Variants in CYYR1 observed in about 807,000 individuals in gnomAD.
CYYR1 encodes the protein cysteine and tyrosine-rich protein 1.
A neutral mutation model predicts 15.2 loss-of-function variants in CYYR1; 14 were observed. That is an observed-to-expected ratio of 0.92 (90% CI 0.61 to 1.44). CYYR1 has a LOEUF of 1.44. CYYR1 is among the 40% of genes most tolerant of loss of function. CYYR1 has a pLI of 0.00. For synonymous variants in CYYR1, 80 were observed against 77.4 expected, an observed-to-expected ratio of 1.03 and a Z score of -0.18; for missense variants, 228 against 209.5, an observed-to-expected ratio of 1.09 and a Z score of -0.54.
At chr21:26,533,376 G>C (rs989240813) in intron 2 of CYYR1, among the ~76,000 whole-genome samples, 1 of 151,880 alleles carries the variant, frequency 6.6e-6, no homozygotes, top group South Asian at 2.1e-4. Context: ...GACTTAATAC[G>C]GTCTAAGTCT....
chr21:26,553,924 TC>T (rs1366832077), intron 2 of CYYR1, among the ~76,000 whole-genome samples: 1 of 152,200 alleles, frequency 6.6e-6, no homozygotes, highest in African/African-American at 2.4e-5. Context: ...CAGCTGATCC[TC>T]ACTATGATCA....
intron 2 of CYYR1, among the ~76,000 whole-genome samples, chr21:26,554,739 C>A (rs186457970): frequency 6.6e-6 from 1 of 152,160 alleles, no homozygotes; most frequent in Non-Finnish European, 1.5e-5. Context: ...TCATTTTTCT[C>A]CCCATCATGT....
chr21:26,569,546 A>G (rs1980875532), intron 1 of CYYR1, among the ~76,000 whole-genome samples: 2 of 152,212 alleles, frequency 1.3e-5, no homozygotes, highest in African/African-American at 4.8e-5. Flanking sequence ...ATCACAAAAT[A>G]TACCCAGGTA....
chr21:26,567,096 A>G (rs1435821392), intron 1 of CYYR1, among the ~76,000 whole-genome samples: 1 of 152,114 alleles, frequency 6.6e-6, no homozygotes. Flanking sequence ...AGTGGCATAT[A>G]TAATACCAAA....
At chr21:26,531,995 T>A (rs2065936634) in intron 2 of CYYR1, among the ~76,000 whole-genome samples, 3 of 152,054 alleles carry the variant, frequency 2.0e-5, no homozygotes, top group Non-Finnish European at 4.4e-5. Flanking sequence ...TGCAACTAAG[T>A]TCAGTGATGA....
At chr21:26,481,868 A>C (rs2065186026) in intron 2 of CYYR1, among the ~76,000 whole-genome samples, 2 of 152,058 alleles carry the variant, frequency 1.3e-5, no homozygotes, top group Admixed American at 1.3e-4. Context: ...GGATACTACC[A>C]GTAATAACAG....
At chr21:26,489,846 C>T (rs1471256181) in intron 2 of CYYR1, among the ~76,000 whole-genome samples, 1 of 152,114 alleles carries the variant, frequency 6.6e-6, no homozygotes, top group African/African-American at 2.4e-5. Flanking sequence ...CCAGTAACAA[C>T]ATGGAGATGC....
intron 2 of CYYR1, among the ~76,000 whole-genome samples, chr21:26,533,602 A>T (rs2123615655): frequency 6.6e-6 from 1 of 152,274 alleles, no homozygotes; most frequent in East Asian, 1.9e-4. Context: ...CCAGTCCACG[A>T]ATTCAAATGC....
chr21:26,535,194 G>A (rs1014282329), intron 2 of CYYR1, among the ~76,000 whole-genome samples: 4 of 152,114 alleles, frequency 2.6e-5, no homozygotes, highest in Non-Finnish European at 5.9e-5. Flanking sequence ...TATCCCAAAC[G>A]TCAGCATCAT....
At chr21:26,486,212 TG>T (rs990435176) in intron 2 of CYYR1, among the ~76,000 whole-genome samples, 4 of 152,126 alleles carry the variant, frequency 2.6e-5, no homozygotes, top group African/African-American at 9.6e-5. Flanking sequence ...TTTACTGGTC[TG>T]TAGCACATCT....
chr21:26,552,694 C>T (rs1224437787), intron 2 of CYYR1, among the ~76,000 whole-genome samples: 3 of 152,036 alleles, frequency 2.0e-5, no homozygotes, highest in Admixed American at 1.3e-4. Flanking sequence ...AGGATATATA[C>T]TTAACTCTTC....
At chr21:26,530,456 T>C (rs1163784091) in intron 2 of CYYR1, among the ~76,000 whole-genome samples, 1 of 152,178 alleles carries the variant, frequency 6.6e-6, no homozygotes, top group South Asian at 2.1e-4. Flanking sequence ...CATTTTATAA[T>C]ATTAATTTTA....
At chr21:26,511,810 T>C (rs1355904899) in intron 2 of CYYR1, among the ~76,000 whole-genome samples, 2 of 152,206 alleles carry the variant, frequency 1.3e-5, no homozygotes, top group East Asian at 3.9e-4. Context: ...AAGACACTTC[T>C]GCCATTCACT....
At chr21:26,479,656 C>G (rs1472306074) in intron 3 of CYYR1, among the ~76,000 whole-genome samples, 1 of 151,970 alleles carries the variant, frequency 6.6e-6, no homozygotes, top group Admixed American at 6.6e-5. Context: ...ATTGCCCTTG[C>G]TCTTTGTTGA....
chr21:26,572,952 G>A lies in CYYR1; in HGVS notation c.-12C>T. 6.2e-7 allele frequency: 1 copy of A among 1,613,904 alleles called. No homozygotes were observed. Among genetic ancestry groups the A allele is most frequent in the Non-Finnish European group, 8.5e-7 (1 of 1,179,956 alleles). On this transcript the variant is annotated 5_prime_UTR_variant, in exon 1 of 4. Transcript: ENST00000652641. ...CTCGGAGCGTCCATCCAAGCCGGTGGCCTGAGGCTTGGAGCGAAGGGAGAG... is the reference window on the plus strand; with the variant it reads ...CTCGGAGCGTCCATCCAAGCCGGTGACCTGAGGCTTGGAGCGAAGGGAGAG...
At chr21:26,529,665 G>A (rs909558481) in intron 2 of CYYR1, among the ~76,000 whole-genome samples, 31 of 152,226 alleles carry the variant, frequency 2.0e-4, no homozygotes, top group Non-Finnish European at 3.2e-4. Flanking sequence ...AGGGGAGTGC[G>A]GTTTGCAACA....
intron 2 of CYYR1, among the ~76,000 whole-genome samples, chr21:26,522,388 T>A (rs922135010): frequency 4.6e-5 from 7 of 152,138 alleles, no homozygotes; most frequent in African/African-American, 1.4e-4. Context: ...AAAAATTTTT[T>A]AAAAAAACTT....
intron 2 of CYYR1, among the ~76,000 whole-genome samples, chr21:26,529,167 C>A (rs2065899563): frequency 6.6e-6 from 1 of 152,146 alleles, no homozygotes; most frequent in South Asian, 2.1e-4. Flanking sequence ...AGGTTAGTAA[C>A]TTGCCTAAGG....
chr21:26,500,929 G>A lies in CYYR1; in HGVS notation c.177-20500C>T, dbSNP rs1204186245. 2.6e-5 allele frequency among the ~76,000 whole-genome samples: 4 copies of A among 152,304 alleles called. No homozygotes were observed. The East Asian group carries it at 7.7e-4, about 29-fold the overall frequency. ...TCCTATAAAACAGTAGTGGGACAGA[G>A]TTGTGTTTTGCTTATCTATTAAGCA... On this transcript the variant is annotated intron_variant, in intron 2 of 3. Coordinates refer to ENST00000652641, the MANE Select transcript of CYYR1 (RefSeq NM_001320768.2).
Sources: allele counts gnomAD v4.1 joint callset (sites outside exome capture counted in the v4.1 genomes callset), GRCh38; gene constraint gnomAD v4.1.1; transcripts MANE v1.5; gene names NCBI Gene and HGNC (gene_info 2026-07-23, HGNC 2026-07-21).